RAB33A: variants seen among roughly 807,000 people sequenced by gnomAD.
The protein encoded by RAB33A is RAB33A, member RAS oncogene family, also known as ras-related protein Rab-33A.
In RAB33A, 6 loss-of-function variants were observed where a neutral mutation model predicts 12.0. The ratio of observed to expected loss-of-function variants is 0.50; its 90% CI spans 0.27 to 0.99. The LOEUF (loss-of-function observed/expected upper bound fraction) is 0.99. Among genes scored for constraint, RAB33A ranks in the 50% least tolerant of loss-of-function variants. The probability of loss-of-function intolerance (pLI) is 0.11; values close to 1 mark genes in which losing one functional copy is unlikely to be tolerated. For synonymous variants in RAB33A, 70 were observed against 82.4 expected (o/e 0.85, Z 0.81); for missense variants, 109 against 192.0 (o/e 0.57, Z 2.55).
chrX:130,114,382 C>A, the RAB33A span, among the ~76,000 whole-genome samples: 1 of 111,938 alleles, frequency 8.9e-6, no homozygotes, highest in Non-Finnish European at 1.9e-5. Context: ...AGCCATGGGC[C>A]ACCTGAATGA....
the RAB33A span, chrX:130,147,608 C>T: frequency 1.7e-6 from 2 of 1,212,021 alleles, no homozygotes; most frequent in Non-Finnish European, 2.2e-6. Context: ...TCAGGATCTT[C>T]AGATACAATC....
rs892304638 is a variant in RAB33A at position 130,184,822 on chromosome X, C to G, written c.*82C>G. 2 of 846,766 alleles carry G rather than the reference C, an allele frequency of 2.4e-6. No individual in the cohort carries two copies. Among genetic ancestry groups the G allele is most frequent in the African/African-American group, 4.1e-5 (2 of 48,309 alleles). The allele number at this position is 846,766 out of a possible 1,213,427, so 69.8% of individuals were successfully genotyped here. ...TTCTGTGCCTGCATAATGCTGACAC[C>G]TGCTTGTTTCCATACAAATTGATAT... On this transcript the variant is annotated 3_prime_UTR_variant, in exon 2 of 2. Transcript: ENST00000257017.
chrX:130,146,686 C>T, the RAB33A span, among the ~76,000 whole-genome samples: 1 of 110,801 alleles, frequency 9.0e-6, no homozygotes, highest in African/African-American at 3.3e-5. Context: ...AGTTGTCCAT[C>T]AAAAGGAAAA....
upstream of RAB33A, among the ~76,000 whole-genome samples, chrX:130,171,142 C>A (rs1003611788): frequency 8.8e-6 from 1 of 113,301 alleles, no homozygotes; most frequent in Admixed American, 9.2e-5. Context: ...ACAGTTACAC[C>A]CCCTACACAC....
intron 1 of RAB33A, among the ~76,000 whole-genome samples, chrX:130,180,362 G>T (rs1015120385): frequency 1.5e-4 from 17 of 112,711 alleles, no homozygotes; most frequent in Non-Finnish European, 2.8e-4. Context: ...CACTTTCAGG[G>T]GCTGAGGCAG....
chrX:130,160,927 ATAAACT>A, the RAB33A span, among the ~76,000 whole-genome samples: 1 of 110,275 alleles, frequency 9.1e-6, no homozygotes, highest in African/African-American at 3.3e-5. Context: ...AAATGAAAAA[ATAAACT>A]TAAGAGTTTT....
chrX:130,112,415 G>GCA, the RAB33A span, among the ~76,000 whole-genome samples: 2 of 111,463 alleles, frequency 1.8e-5, no homozygotes, highest in Non-Finnish European at 3.8e-5. Flanking sequence ...GCACACGCGT[G>GCA]CACACACACA....
At chrX:130,160,090 C>T in the RAB33A span, among the ~76,000 whole-genome samples, 2 of 111,978 alleles carry the variant, frequency 1.8e-5, no homozygotes, top group East Asian at 2.8e-4. Context: ...TAAACTACTG[C>T]TTGAAAAGAA....
At chrX:130,123,820 G>A in the RAB33A span, among the ~76,000 whole-genome samples, 1 of 110,889 alleles carries the variant, frequency 9.0e-6, no homozygotes, top group Non-Finnish European at 1.9e-5. Flanking sequence ...GTAATCTCTG[G>A]GTGAAAGGAA....
the RAB33A span, among the ~76,000 whole-genome samples, chrX:130,160,055 A>G: frequency 1.2e-4 from 13 of 111,612 alleles, no homozygotes; most frequent in African/African-American, 4.2e-4. Context: ...AATTGACTTT[A>G]AAAAAAAGTA....
At chrX:130,138,606 A>G in the RAB33A span, 2 of 1,207,348 alleles carry the variant, frequency 1.7e-6, no homozygotes, top group Non-Finnish European at 2.2e-6. Context: ...TTCTGCCAAG[A>G]GCACAGGCCA....
the RAB33A span, among the ~76,000 whole-genome samples, chrX:130,144,724 T>C: frequency 8.9e-6 from 1 of 112,271 alleles, no homozygotes; most frequent in African/African-American, 3.2e-5. Flanking sequence ...TGTGTTATGA[T>C]TATGTATTTA....
the RAB33A span, among the ~76,000 whole-genome samples, chrX:130,139,168 C>CA: frequency 0.031 from 2,902 of 92,765 alleles, 97 homozygotes; most frequent in African/African-American, 0.099. Flanking sequence ...ACTAAAAATA[C>CA]AAAAAAAAAA....
At chrX:130,115,593 A>G in the RAB33A span, among the ~76,000 whole-genome samples, 1 of 109,881 alleles carries the variant, frequency 9.1e-6, no homozygotes, top group Non-Finnish European at 1.9e-5. Context: ...AGCCTGGGTG[A>G]CAGAGAGAAA....
At chrX:130,149,938 G>C in the RAB33A span, among the ~76,000 whole-genome samples, 2 of 112,093 alleles carry the variant, frequency 1.8e-5, no homozygotes, top group Non-Finnish European at 3.8e-5. Context: ...ACGGGGTTTG[G>C]ACTACGCTGG....
At chrX:130,120,779 C>G in the RAB33A span, among the ~76,000 whole-genome samples, 2 of 112,407 alleles carry the variant, frequency 1.8e-5, no homozygotes, top group Non-Finnish European at 3.8e-5. Flanking sequence ...TCTCGCTACC[C>G]CCTTTCTAGG....
the RAB33A span, among the ~76,000 whole-genome samples, chrX:130,119,867 G>A: frequency 8.9e-6 from 1 of 111,752 alleles, no homozygotes; most frequent in Non-Finnish European, 1.9e-5. Flanking sequence ...ATGCTAACAC[G>A]GGGTGCAGCT....
chrX:130,166,671 A>G, the RAB33A span, among the ~76,000 whole-genome samples: 6 of 112,567 alleles, frequency 5.3e-5, no homozygotes, highest in South Asian at 1.8e-3. Flanking sequence ...TTTATTGAGC[A>G]CTTACCTCTT....
chrX:130,178,381 C>A (rs1480805161), intron 1 of RAB33A, among the ~76,000 whole-genome samples: 1 of 109,843 alleles, frequency 9.1e-6, no homozygotes. Context: ...AGAGTCCCAG[C>A]ACTTTGGGAG....
Sources: allele counts gnomAD v4.1 joint callset (sites outside exome capture counted in the v4.1 genomes callset), GRCh38; gene constraint gnomAD v4.1.1; transcripts MANE v1.5; gene names NCBI Gene and HGNC (gene_info 2026-07-23, HGNC 2026-07-21).